Variants in ELOVL5 observed in about 807,000 individuals in gnomAD.
ELOVL5 encodes the protein ELOVL fatty acid elongase 5.
Under a neutral mutation model 38.6 loss-of-function variants are expected in ELOVL5, and 8 were observed. The observed-to-expected ratio is 0.21, with a 90% confidence interval of 0.12 to 0.37. ELOVL5 has a LOEUF of 0.37. ELOVL5 is among the 10% of genes least tolerant of loss of function. The pLI is 1.00. For synonymous variants in ELOVL5, 127 were observed against 133.7 expected, an observed-to-expected ratio of 0.95 and a Z score of 0.34; for missense variants, 280 against 367.8, an observed-to-expected ratio of 0.76 and a Z score of 1.95.
chr6:53,321,069 C>G (rs945872946), intron 1 of ELOVL5, among the ~76,000 whole-genome samples: 4 of 152,192 alleles, frequency 2.6e-5, no homozygotes, highest in Admixed American at 2.6e-4. Flanking sequence ...TGATGAACTG[C>G]TGCAGAAGCT....
chr6:53,277,969 C>A (rs1174277443), intron 3 of ELOVL5, among the ~76,000 whole-genome samples: 1 of 152,142 alleles, frequency 6.6e-6, no homozygotes, highest in Non-Finnish European at 1.5e-5. Context: ...TGTGGGACAA[C>A]CGCGAATAAG....
chr6:53,285,180 G>A (rs1022383443), intron 3 of ELOVL5, among the ~76,000 whole-genome samples: 4 of 152,170 alleles, frequency 2.6e-5, no homozygotes, highest in Admixed American at 6.5e-5. Flanking sequence ...GGTTAGCCAC[G>A]TTGTGAATGC....
chr6:53,332,293 A>G (rs553453594), intron 1 of ELOVL5, among the ~76,000 whole-genome samples: 1 of 152,224 alleles, frequency 6.6e-6, no homozygotes, highest in Non-Finnish European at 1.5e-5. Flanking sequence ...CAATCAGCCA[A>G]ACAGGAGTGA....
intron 3 of ELOVL5, among the ~76,000 whole-genome samples, chr6:53,278,389 C>A (rs938473086): frequency 6.6e-6 from 1 of 152,056 alleles, no homozygotes; most frequent in Non-Finnish European, 1.5e-5. Context: ...CGCCTCAATC[C>A]CAAAGATGAG....
intron 1 of ELOVL5, among the ~76,000 whole-genome samples, chr6:53,344,978 T>C (rs1042257729): frequency 5.3e-5 from 8 of 152,202 alleles, no homozygotes; most frequent in Non-Finnish European, 1.0e-4. Flanking sequence ...ACAGACGCTG[T>C]AGCTGACTTC....
chr6:53,307,605 G>GCTCACATC (rs1416467993), intron 1 of ELOVL5, among the ~76,000 whole-genome samples: 12 of 152,294 alleles, frequency 7.9e-5, no homozygotes, highest in African/African-American at 2.9e-4. Flanking sequence ...AGTGAAACAT[G>GCTCACATC]CTCACATCCA....
intron 1 of ELOVL5, among the ~76,000 whole-genome samples, chr6:53,335,688 T>C (rs1463602562): frequency 1.3e-5 from 2 of 152,208 alleles, no homozygotes; most frequent in South Asian, 2.1e-4. Flanking sequence ...CAGCCGGTTC[T>C]TGCCCAAACT....
chr6:53,304,446 ATTTT>A (rs1216697750), intron 1 of ELOVL5, among the ~76,000 whole-genome samples: 1 of 146,944 alleles, frequency 6.8e-6, no homozygotes, highest in East Asian at 2.0e-4. Context: ...CTTTTATTTT[ATTTT>A]ATTTTATTTT....
intron 1 of ELOVL5, among the ~76,000 whole-genome samples, chr6:53,320,400 G>T (rs953565531): frequency 6.6e-6 from 1 of 151,662 alleles, no homozygotes; most frequent in African/African-American, 2.4e-5. Context: ...GCAGTGGCGC[G>T]ATCTCGGCTC....
chr6:53,329,743 G>C (rs1210328885), intron 1 of ELOVL5, among the ~76,000 whole-genome samples: 2 of 152,112 alleles, frequency 1.3e-5, no homozygotes, highest in Non-Finnish European at 2.9e-5. Flanking sequence ...AGAATTGCTG[G>C]AACTCAGAAG....
At chr6:53,330,541 T>TTTTA (rs1407611967) in intron 1 of ELOVL5, among the ~76,000 whole-genome samples, 3 of 146,566 alleles carry the variant, frequency 2.0e-5, no homozygotes, top group East Asian at 2.0e-4. Context: ...TTTTTTTTTT[T>TTTTA]AGGGACAGAG....
intron 1 of ELOVL5, among the ~76,000 whole-genome samples, chr6:53,298,903 G>GA (rs201445590): frequency 6.7e-6 from 1 of 150,032 alleles, no homozygotes; most frequent in Non-Finnish European, 1.5e-5. Context: ...GGCAAGGCGG[G>GA]GGGGGGGAGT....
intron 1 of ELOVL5, among the ~76,000 whole-genome samples, chr6:53,314,637 C>T (rs1249210157): frequency 6.6e-6 from 1 of 151,946 alleles, no homozygotes; most frequent in African/African-American, 2.4e-5. Flanking sequence ...CTAGCTATTC[C>T]TCCAGTCATG....
chr6:53,279,223 T>C (rs1187562316), intron 3 of ELOVL5, among the ~76,000 whole-genome samples: 1 of 152,206 alleles, frequency 6.6e-6, no homozygotes, highest in Admixed American at 6.5e-5. Context: ...GTTCATAGGA[T>C]TAAACATAAG....
intron 6 of ELOVL5, among the ~76,000 whole-genome samples, chr6:53,271,496 A>C (rs1765929750): frequency 6.6e-6 from 1 of 151,964 alleles, no homozygotes; most frequent in Non-Finnish European, 1.5e-5. Flanking sequence ...GTTGCAGCGA[A>C]CCGAGATCGC....
intron 3 of ELOVL5, among the ~76,000 whole-genome samples, chr6:53,291,110 T>C (rs193086155): frequency 1.4e-4 from 22 of 152,260 alleles, no homozygotes; most frequent in Admixed American, 3.9e-4. Context: ...CCCTTCAAAA[T>C]AGGGAGAAGA....
At chr6:53,293,814 C>T (rs1366637733) in intron 2 of ELOVL5, among the ~76,000 whole-genome samples, 1 of 152,224 alleles carries the variant, frequency 6.6e-6, no homozygotes, top group Non-Finnish European at 1.5e-5. Context: ...GCTTTGGCTT[C>T]AGAGGGACAT....
At chr6:53,333,520 G>A (rs1265309620) in intron 1 of ELOVL5, among the ~76,000 whole-genome samples, 4 of 152,086 alleles carry the variant, frequency 2.6e-5, no homozygotes, top group Admixed American at 6.5e-5. Flanking sequence ...GTTTTAAATC[G>A]TGCTGCACTC....
intron 1 of ELOVL5, among the ~76,000 whole-genome samples, chr6:53,343,628 T>C (rs1769420291): frequency 1.3e-5 from 2 of 152,044 alleles, no homozygotes; most frequent in African/African-American, 2.4e-5. Flanking sequence ...GAAAATAAAA[T>C]TTAATCTTTC....
Sources: gnomAD v4.1 joint callset for allele counts (sites outside exome capture counted in the v4.1 genomes callset) on GRCh38, gnomAD v4.1.1 for gene constraint, MANE v1.5 for transcripts, NCBI Gene and HGNC (gene_info 2026-07-23, HGNC 2026-07-21) for gene names.